The following ZFHX3 variants were observed in gnomAD, a reference collection of about 807,000 sequenced individuals.
ZFHX3 encodes the protein zinc finger homeobox 3.
In ZFHX3, 42 loss-of-function variants were observed where a neutral mutation model predicts 279.1. The observed-to-expected ratio is 0.15, with a 90% CI of 0.12 to 0.19. The LOEUF (loss-of-function observed/expected upper bound fraction) is 0.19. ZFHX3 is among the 10% of genes least tolerant of loss of function. The probability of loss-of-function intolerance (pLI) is 1.00; values close to 1 mark genes in which losing one functional copy is unlikely to be tolerated. For missense variants in ZFHX3, 4,981 were observed against 4,754.0 expected (o/e 1.05, Z -1.40); for synonymous variants, 2,293 against 1,957.8 (o/e 1.17, Z -4.52).
chr16:72,985,836 T>C (rs1597056000), intron 1 of ZFHX3, among the ~76,000 whole-genome samples: 1 of 152,114 alleles, frequency 6.6e-6, no homozygotes, highest in East Asian at 1.9e-4. Context: ...CAGGGGTTAA[T>C]GGAAGCTGAC....
intron 1 of ZFHX3, among the ~76,000 whole-genome samples, chr16:73,813,227 CTT>C (rs1224736773): frequency 1.6e-5 from 2 of 121,642 alleles, no homozygotes; most frequent in African/African-American, 8.9e-5. Flanking sequence ...ACCTCTTTCT[CTT>C]TCTCTCTCTC....
At chr16:72,898,961 T>G (rs1213246640) in intron 3 of ZFHX3, among the ~76,000 whole-genome samples, 1 of 152,012 alleles carries the variant, frequency 6.6e-6, no homozygotes, top group Non-Finnish European at 1.5e-5. Flanking sequence ...GAGGGGGGTA[T>G]GTAGGTGGAT....
rs758141494 is a variant in ZFHX3, at chr16:72,786,584, CAAAAAAA to C, written c.*573_*579del. On this transcript the variant is annotated 3_prime_UTR_variant, in exon 10 of 10. Transcript: ENST00000268489. ...ACAAAACAAAAAATCTTTTCTGGAA[CAAAAAAA>C]AAAAAAAAAACTGAAAAAACAATAA... 1 of 66,428 alleles carries C rather than the reference CAAAAAAA, an allele frequency of 1.5e-5. No homozygotes were observed. The highest frequency in any genetic ancestry group is 5.4e-5 in the African/African-American group (1 of 18,470). 4.1% of individuals were successfully genotyped at this position (66,428 alleles called of 1,614,324 possible).
At chr16:73,590,170 C>A (rs1351573264) in intron 2 of ZFHX3, among the ~76,000 whole-genome samples, 1 of 152,154 alleles carries the variant, frequency 6.6e-6, no homozygotes, top group Non-Finnish European at 1.5e-5. Flanking sequence ...AGCCCTGAGT[C>A]TGAATTGGGA....
At position 72,928,180 on chromosome 16, in the gene ZFHX3, AGAGAGGGAGGGGG is replaced by A. The variant is rs1959579576; in HGVS notation, c.3216+22276_3216+22288del. Reference sequence around the variant, plus strand: ...GAGGGGAGAGAGGGAGGGGGAGGGGAGAGAGGGAGGGGGAGGGGAGCGAGGGGGAGCGAAGGGG... The same window carrying A: ...GAGGGGAGAGAGGGAGGGGGAGGGGAAGGGGAGCGAGGGGGAGCGAAGGGG... On this transcript the variant is annotated intron_variant, in intron 3 of 9. Coordinates refer to ENST00000268489, the MANE Select transcript of ZFHX3 (RefSeq NM_006885.4). Among the ~76,000 whole-genome samples, 6 of 9,972 alleles carry A rather than the reference AGAGAGGGAGGGGG, an allele frequency of 6.0e-4. 1 individual carries two copies. The highest frequency in any genetic ancestry group is 4.5e-3 in the South Asian group (1 of 220). 6.5% of individuals were successfully genotyped at this position (9,972 alleles called of 152,430 possible). A position where few individuals can be genotyped will look rare whatever the true frequency, so the allele number is the denominator to read the frequency against.
chr16:73,629,490 T>C (rs140658001), intron 2 of ZFHX3, among the ~76,000 whole-genome samples: 5 of 152,046 alleles, frequency 3.3e-5, no homozygotes, highest in Non-Finnish European at 7.4e-5. Context: ...GTGGACTTAA[T>C]GTGAATAAAG....
chr16:73,085,537 C>G (rs1966001288), intron 8 of ZFHX3, among the ~76,000 whole-genome samples: 1 of 152,194 alleles, frequency 6.6e-6, no homozygotes. Context: ...TGAACCACCA[C>G]TCCTGGGCTA....
At chr16:72,866,432 A>AT (rs944129754) in intron 4 of ZFHX3, among the ~76,000 whole-genome samples, 1 of 152,094 alleles carries the variant, frequency 6.6e-6, no homozygotes, top group African/African-American at 2.4e-5. Context: ...ACATGTAGAC[A>AT]TTTTTTTGTG....
rs2033564626 is a variant in ZFHX3 at position 72,921,518 on chromosome 16, A to G, written c.3216+28951T>C. On this transcript the variant is annotated intron_variant, in intron 3 of 9. Transcript: ENST00000268489. ...GTGCTAGCCAAGAAAGACTCCAGAA[A>G]ACAATCAGAGGGAATCTCACTTTCA... Among the ~76,000 whole-genome samples, 3 of 152,216 alleles carry G rather than the reference A, an allele frequency of 2.0e-5. No homozygotes were observed. The South Asian group carries it at 6.2e-4, about 32-fold the overall frequency.
chr16:73,248,210 A>G (rs2013363173), intron 5 of ZFHX3, among the ~76,000 whole-genome samples: 1 of 149,592 alleles, frequency 6.7e-6, no homozygotes, highest in Non-Finnish European at 1.5e-5. Context: ...CTGTGTGTAT[A>G]TATGTGTGTG....
intron 1 of ZFHX3, among the ~76,000 whole-genome samples, chr16:73,853,927 AC>A (rs1961653776): frequency 6.6e-6 from 1 of 152,110 alleles, no homozygotes; most frequent in Admixed American, 6.5e-5. Context: ...TCCTATTATC[AC>A]TTGGTCATTC....
chr16:73,559,758 T>C (rs1042145047), intron 2 of ZFHX3, among the ~76,000 whole-genome samples: 1 of 152,056 alleles, frequency 6.6e-6, no homozygotes, highest in Non-Finnish European at 1.5e-5. Flanking sequence ...CCTGTCTCTC[T>C]CTCTCTGCCA....
chr16:73,640,203 G>A (rs1197739364), intron 2 of ZFHX3, among the ~76,000 whole-genome samples: 2 of 152,098 alleles, frequency 1.3e-5, no homozygotes, highest in East Asian at 3.9e-4. Context: ...ATGCTCCCCA[G>A]GCAAGAAATT....
At chr16:72,971,503 C>T (rs889490351) in intron 1 of ZFHX3, among the ~76,000 whole-genome samples, 9 of 152,270 alleles carry the variant, frequency 5.9e-5, no homozygotes, top group East Asian at 3.9e-4. Context: ...CTAGTTTAGT[C>T]GGCCTTTGAA....
intron 1 of ZFHX3, among the ~76,000 whole-genome samples, chr16:73,027,449 T>G (rs766544164): frequency 3.9e-5 from 6 of 152,210 alleles, no homozygotes; most frequent in Non-Finnish European, 5.9e-5. Context: ...GTGTTCAAAC[T>G]TCTCTAGAAA....
chr16:72,915,375 A>G (rs2039418185), intron 3 of ZFHX3, among the ~76,000 whole-genome samples: 1 of 152,196 alleles, frequency 6.6e-6, no homozygotes, highest in Non-Finnish European at 1.5e-5. Flanking sequence ...ATCAAACAGA[A>G]GGCTCTCGAC....
intron 1 of ZFHX3, among the ~76,000 whole-genome samples, chr16:73,850,672 A>G (rs1249531397): frequency 2.7e-5 from 4 of 148,140 alleles, no homozygotes; most frequent in African/African-American, 4.9e-5. Flanking sequence ...GCTTCTGTGG[A>G]CCCCACCCCA....
At chr16:72,971,627 C>T (rs917886596) in intron 1 of ZFHX3, among the ~76,000 whole-genome samples, 2 of 152,082 alleles carry the variant, frequency 1.3e-5, no homozygotes, top group African/African-American at 4.8e-5. Context: ...ATGCTAGGAA[C>T]ATTTAAGGCC....
Position 73,047,966 on chromosome 16 carries a change from T to C in ZFHX3, c.-264A>G, listed in dbSNP as rs1965360737. On this transcript the variant is annotated 5_prime_UTR_variant, in exon 1 of 10. The change abolishes an upstream ATG in the 5' untranslated region. Coordinates refer to ENST00000268489, the MANE Select transcript of ZFHX3 (RefSeq NM_006885.4). ...CCCGGAGACAGGGGAGGGGAGCTCA[T>C]GGTGGCGGCAGGGCTGGCGGTCGGC... 6.6e-6 allele frequency: 1 copy of C among 152,248 alleles called. No individual in the cohort carries two copies. The highest frequency in any genetic ancestry group is 1.5e-5 in the Non-Finnish European group (1 of 68,164). 9.4% of individuals were successfully genotyped at this position (152,248 alleles called of 1,614,324 possible).
Sources: allele counts gnomAD v4.1 joint callset (sites outside exome capture counted in the v4.1 genomes callset), GRCh38; gene constraint gnomAD v4.1.1; transcripts MANE v1.5; gene names NCBI Gene and HGNC (gene_info 2026-07-23, HGNC 2026-07-21).